Variants in RAVER2 observed in about 807,000 individuals in gnomAD.
RAVER2 encodes the protein ribonucleoprotein, PTB binding 2.
A neutral mutation model predicts 78.1 loss-of-function variants in RAVER2; 46 were observed. The observed-to-expected ratio is 0.59, with a 90% CI of 0.46 to 0.75. The LOEUF is 0.75. Among genes scored for constraint, RAVER2 ranks in the 30% least tolerant of loss-of-function variants. The probability of loss-of-function intolerance (pLI) is 0.00; values close to 1 mark genes in which losing one functional copy is unlikely to be tolerated. For missense variants in RAVER2, 793 were observed against 837.5 expected (o/e 0.95, Z 0.66); for synonymous variants, 311 against 313.3 (o/e 0.99, Z 0.08).
At chr1:64,812,650 G>A (rs893559808) in intron 9 of RAVER2, 88 bp from the exon 10 acceptor site, 42 of 757,508 alleles carry the variant, frequency 5.5e-5, no homozygotes, top group East Asian at 5.4e-4. Context: ...TACACTAGAT[G>A]TATTGAAAAA....
chr1:64,786,244 A>G (rs1257682534), intron 4 of RAVER2, among the ~76,000 whole-genome samples: 1 of 152,148 alleles, frequency 6.6e-6, no homozygotes, highest in Non-Finnish European at 1.5e-5. Context: ...CTTAAATGTC[A>G]CACAAATGTG....
intron 11 of RAVER2, among the ~76,000 whole-genome samples, 185 bp from the exon 12 acceptor site, chr1:64,830,654 G>A (rs139060220): frequency 2.0e-5 from 3 of 152,336 alleles, no homozygotes; most frequent in African/African-American, 4.8e-5. Flanking sequence ...TTCCAAAGGC[G>A]ATGTTGATAC....
intron 2 of RAVER2, among the ~76,000 whole-genome samples, chr1:64,771,578 G>A (rs1277552818): frequency 3.4e-4 from 51 of 151,992 alleles, no homozygotes; most frequent in Admixed American, 3.3e-3. Flanking sequence ...CAAAAATAAT[G>A]ACATTACATT....
chr1:64,745,504 C>T lies in RAVER2; in HGVS notation c.249+83C>T. 2 of 1,418,140 alleles carry T rather than the reference C, an allele frequency of 1.4e-6. No individual in the cohort carries two copies. The highest frequency in any genetic ancestry group is 1.9e-6 in the Non-Finnish European group (2 of 1,069,986). 87.8% of individuals were successfully genotyped at this position (1,418,140 alleles called of 1,614,324 possible). A position where few individuals can be genotyped will look rare whatever the true frequency, so the allele number is the denominator to read the frequency against. On this transcript the variant is annotated intron_variant, in intron 1 of 11. Transcript: ENST00000294428. The surrounding 1 kb of genome is among the most constrained non-coding windows in gnomAD (Gnocchi z 4.3). ...GTCCAGGCTGGGATCGGGGGCGCCT[C>T]AGAGCGGTCCTGGGGAGTGGGTCGG... is the stretch of plus-strand genomic sequence containing the variant.
chr1:64,825,425 G>A (rs1653985273), intron 11 of RAVER2, among the ~76,000 whole-genome samples: 1 of 152,124 alleles, frequency 6.6e-6, no homozygotes, highest in Non-Finnish European at 1.5e-5. Context: ...GTGAGACTGA[G>A]GAGTCCTTGA....
intron 1 of RAVER2, among the ~76,000 whole-genome samples, chr1:64,746,327 A>G (rs1651537649): frequency 6.6e-6 from 1 of 152,212 alleles, no homozygotes; most frequent in Admixed American, 6.5e-5. Flanking sequence ...TTGTTTTATC[A>G]AAAGCTTGAA....
chr1:64,777,495 T>G (rs1353571687), intron 2 of RAVER2, 128 bp from the exon 3 acceptor site: 5 of 732,824 alleles, frequency 6.8e-6, no homozygotes, highest in African/African-American at 5.3e-5. Context: ...AGTAGGGGTA[T>G]TAACTTATAA....
At chr1:64,755,485 A>G (rs1000770645) in intron 1 of RAVER2, among the ~76,000 whole-genome samples, 2 of 152,102 alleles carry the variant, frequency 1.3e-5, no homozygotes, top group Non-Finnish European at 2.9e-5. Context: ...GTATTTGTAC[A>G]TGCTTTCATT....
intron 1 of RAVER2, among the ~76,000 whole-genome samples, chr1:64,763,624 G>A (rs111361098): frequency 0.022 from 3,396 of 152,042 alleles, 146 homozygotes; most frequent in African/African-American, 0.078. Flanking sequence ...TATACCAGCC[G>A]GACATGGTGG....
exon 12 of RAVER2, chr1:64,832,743 A>G (rs1252244923): frequency 1.3e-5 from 2 of 152,208 alleles, no homozygotes; most frequent in Admixed American, 6.5e-5. Context: ...TATACTACCT[A>G]TAAGTAACTG....
At chr1:64,781,901 T>A (rs1330713462) in intron 4 of RAVER2, among the ~76,000 whole-genome samples, 2 of 152,146 alleles carry the variant, frequency 1.3e-5, no homozygotes, top group East Asian at 3.9e-4. Context: ...TTTCTTTTTC[T>A]TTTCTTTTTT....
intron 4 of RAVER2, among the ~76,000 whole-genome samples, chr1:64,783,488 A>G (rs1652692575): frequency 6.6e-6 from 1 of 152,156 alleles, no homozygotes; most frequent in South Asian, 2.1e-4. Flanking sequence ...ACCAGTGATG[A>G]TGAGCATTTT....
At chr1:64,794,675 T>C (rs986575560) in intron 5 of RAVER2, among the ~76,000 whole-genome samples, 1 of 152,188 alleles carries the variant, frequency 6.6e-6, no homozygotes, top group Non-Finnish European at 1.5e-5. Context: ...TCAAATATTT[T>C]GCACGTGTTA....
In RAVER2 at chr1:64,782,889, C is replaced by T. The variant is rs372998200; in HGVS notation, c.978+1318C>T. On this transcript the variant is annotated intron_variant, in intron 4 of 11. Transcript: ENST00000294428. ...ATGCTATCAATCCCCCAGCCCCCTACCCCGCGACAGGCCCTGGTGTGTGAT... is the reference window on the plus strand; with the variant it reads ...ATGCTATCAATCCCCCAGCCCCCTATCCCGCGACAGGCCCTGGTGTGTGAT... Among the ~76,000 whole-genome samples the T allele has an allele frequency of 1.9e-3, 292 of 152,258 alleles. 1 individual carries two copies. Among genetic ancestry groups the T allele is most frequent in the African/African-American group, 6.7e-3 (278 of 41,552 alleles).
At chr1:64,814,351 C>T (rs1653702754) in intron 10 of RAVER2, among the ~76,000 whole-genome samples, 1 of 152,104 alleles carries the variant, frequency 6.6e-6, no homozygotes. Flanking sequence ...GATCCTCCCA[C>T]CTTGGCCTCT....
At chr1:64,781,631 A>C in intron 4 of RAVER2, 60 bp downstream of exon 4, 1 of 1,497,568 alleles carries the variant, frequency 6.7e-7, no homozygotes. Context: ...ATACTATTTT[A>C]ATCTATCCAG....
chr1:64,830,174 G>A (rs883824), intron 11 of RAVER2, among the ~76,000 whole-genome samples: 42,674 of 152,058 alleles, frequency 0.28, 8,146 homozygotes, highest in African/African-American at 0.55. Flanking sequence ...GCATTAAGCT[G>A]AGCAGTGCTA....
At chr1:64,767,620 T>C (rs1195866696) in intron 1 of RAVER2, among the ~76,000 whole-genome samples, 1 of 152,076 alleles carries the variant, frequency 6.6e-6, no homozygotes, top group Non-Finnish European at 1.5e-5. Flanking sequence ...CTCTCTAATC[T>C]GGAGTCAGAA....
At chr1:64,808,681 C>T (rs1184390681) in intron 9 of RAVER2, among the ~76,000 whole-genome samples, 2 of 151,842 alleles carry the variant, frequency 1.3e-5, no homozygotes, top group Non-Finnish European at 2.9e-5. Flanking sequence ...AGACTGGTCT[C>T]GAACTCCTGA....
Sources: gnomAD v4.1 joint callset for allele counts (sites outside exome capture counted in the v4.1 genomes callset) on GRCh38, gnomAD v4.1.1 for gene constraint, Gnocchi (gnomAD v3.1) non-coding constraint, MANE v1.5 for transcripts, NCBI Gene and HGNC (gene_info 2026-07-23, HGNC 2026-07-21) for gene names.